Variants in MARF1 observed in about 807,000 individuals in gnomAD.
The protein encoded by MARF1 is meiosis regulator and mRNA stability factor 1.
MARF1 carries 24 observed loss-of-function variants against 168.2 expected under a neutral mutation model. That is an observed-to-expected ratio of 0.14 (90% CI 0.10 to 0.20). The LOEUF (loss-of-function observed/expected upper bound fraction) is 0.20. Among genes scored for constraint, MARF1 ranks in the 10% least tolerant of loss-of-function variants. The pLI is 1.00. For synonymous variants in MARF1, 868 were observed against 822.4 expected, an observed-to-expected ratio of 1.06 and a Z score of -0.95; for missense variants, 1,744 against 2,143.6, an observed-to-expected ratio of 0.81 and a Z score of 3.68.
Position 15,596,753 on chromosome 16 carries a change from T to C in MARF1, c.5169A>G (p.Gln1723=), listed in dbSNP as rs2031729264. The C allele has an allele frequency of 6.2e-7, 1 of 1,611,634 alleles. No homozygotes were observed. The highest frequency in any genetic ancestry group is 8.5e-7 in the Non-Finnish European group (1 of 1,178,094). The change falls in exon 27 of 27, where the codon CAA becomes CAG. Residue 1723 remains glutamine, a synonymous_variant. Transcript: ENST00000396368. ...CTGCCAATTTGACTCTATTTTTGGGTTGCTTTTTGGCCGGGCTTTCCACGG... is the reference window on the plus strand; with the variant it reads ...CTGCCAATTTGACTCTATTTTTGGGCTGCTTTTTGGCCGGGCTTTCCACGG... The part of the protein sequence containing the change: ...KDPVESPAKK[Q]PKNRVKLAAN...
Position 15,606,688 on chromosome 16 carries a change from T to C in MARF1, c.4182+1603A>G, listed in dbSNP as rs148527891. Among the ~76,000 whole-genome samples, 21 of 152,284 alleles carry C rather than the reference T, an allele frequency of 1.4e-4. No homozygotes were observed. In the East Asian group the frequency reaches 3.1e-3, roughly 22 times the overall value. ...CCCTGTATACTTCCTCCTTCCTCTG[T>C]GTGCTGTTTCCTAGTCTCCCACACC... On this transcript the variant is annotated intron_variant, in intron 21 of 26. Coordinates refer to ENST00000396368, the MANE Select transcript of MARF1 (RefSeq NM_014647.4).
chr16:15,630,266 T>G, intron 7 of MARF1, 66 bp downstream of exon 7: 1 of 1,468,246 alleles, frequency 6.8e-7, no homozygotes, highest in Non-Finnish European at 9.3e-7. Flanking sequence ...CCCCTTATTA[T>G]GGGCTGTCTT....
rs187639009 is a variant in MARF1, at chr16:15,625,089, C to T, written c.2038G>A (p.Gly680Ser). 1.2e-5 allele frequency: 19 copies of T among 1,614,170 alleles called. No individual in the cohort carries two copies. Among genetic ancestry groups the T allele is most frequent in the East Asian group, 6.7e-5 (3 of 44,880 alleles). ...GTCGACACTGCAGCACTTGAGTTAC[C>T]GTGAGTGGGTACGACCAGCCTCAGG... ...GHLRLVVPTH[G>S]NSSAAVSTPK... The change falls in exon 9 of 27, where the codon GGT becomes AGT. Residue 680 changes from glycine to serine, a missense_variant. Transcript: ENST00000396368.
chr16:15,629,426 G>C (rs186777182), intron 7 of MARF1, among the ~76,000 whole-genome samples: 12 of 152,244 alleles, frequency 7.9e-5, no homozygotes, highest in Non-Finnish European at 1.6e-4. Context: ...CCGGAATCAG[G>C]ATACCCGGGG....
At position 15,608,258 on chromosome 16, in the gene MARF1, G is replaced by A. The variant is rs755129094; in HGVS notation, c.4182+33C>T. The A allele has an allele frequency of 4.7e-6, 6 of 1,265,736 alleles. No individual in the cohort carries two copies. The South Asian group carries it at 7.9e-5, about 17-fold the overall frequency. The allele number at this position is 1,265,736 out of a possible 1,614,324, so 78.4% of individuals were successfully genotyped here. A position where few individuals can be genotyped will look rare whatever the true frequency, so the allele number is the denominator to read the frequency against. On this transcript the variant is annotated intron_variant, in intron 21 of 26. Coordinates refer to ENST00000396368, the MANE Select transcript of MARF1 (RefSeq NM_014647.4). ...GGTCACTGTGAGTTTTATCCCATGA[G>A]GGAAAAAAAAAAAAAAAAAAAAAAA... is the stretch of plus-strand genomic sequence containing the variant.
chr16:15,613,855 CAG>C (rs1398582224), intron 16 of MARF1, among the ~76,000 whole-genome samples: 1 of 152,064 alleles, frequency 6.6e-6, no homozygotes, highest in Non-Finnish European at 1.5e-5. Flanking sequence ...CAGGCTGACT[CAG>C]AAAGAATTCC....
chr16:15,635,060 G>C (rs1036109759), intron 3 of MARF1, 129 bp from the exon 4 acceptor site: 1 of 702,684 alleles, frequency 1.4e-6, no homozygotes, highest in African/African-American at 1.8e-5. Context: ...TAATAAAAAG[G>C]ACTTTCAAAT....
In MARF1 at chr16:15,630,352, TG is replaced by T; in HGVS notation, c.1503del (p.Arg502GlyfsTer4). 1.9e-6 allele frequency: 3 copies of T among 1,604,534 alleles called. No homozygotes were observed. Among genetic ancestry groups the T allele is most frequent in the Non-Finnish European group, 2.6e-6 (3 of 1,174,272 alleles). Reference protein sequence around the residue: ...RFEEFISDLPPRLPLKMPQCH... With the variant: ...RFEEFISDLPXRLPLKMPQCH... ...CTTACTGGCATTTTTAGTGGTAACC[TG>T]GGGGGCAAGTCGGAAATGAACTCTT... On this transcript the variant is annotated frameshift_variant, in exon 7 of 27. Transcript: ENST00000396368. LOFTEE classifies it high-confidence loss of function.
rs1302875948 is a variant in MARF1 at position 15,624,952 on chromosome 16, C to T, written c.2112-25G>A. 5 of 1,613,808 alleles carry T rather than the reference C, an allele frequency of 3.1e-6. No individual in the cohort carries two copies. In the African/African-American group the frequency reaches 6.7e-5, roughly 22 times the overall value. On this transcript the variant is annotated intron_variant, in intron 9 of 26. Coordinates refer to ENST00000396368, the MANE Select transcript of MARF1 (RefSeq NM_014647.4). ...TCTAACAGAAGGGGAAAATTGAAGG[C>T]AAAAGGTCATATGTCTTCCTTCACA... is the stretch of plus-strand genomic sequence containing the variant.
chr16:15,606,320 C>T (rs2033009724), intron 21 of MARF1, among the ~76,000 whole-genome samples: 1 of 152,136 alleles, frequency 6.6e-6, no homozygotes, highest in Non-Finnish European at 1.5e-5. Context: ...TTTCCTGACG[C>T]CCATCGGTAA....
Position 15,624,899 on chromosome 16 carries a change from T to C in MARF1, c.2140A>G (p.Thr714Ala). ...KKENLSARSV[T>A]SSPVEKKDKE... ...TCTTTTTTCTCTACAGGAGAACTGG[T>C]AACACTTCGGGCACTGAGGTTCTCC... Residue 714 changes from threonine to alanine, a missense_variant, in exon 10 of 27, where the codon ACC (threonine) becomes GCC (alanine). By Grantham distance (58) the Thr-to-Ala change is moderately conservative. Transcript: ENST00000396368. 1 of 1,614,202 alleles carries C rather than the reference T, an allele frequency of 6.2e-7. No homozygotes were observed. The highest frequency in any genetic ancestry group is 8.5e-7 in the Non-Finnish European group (1 of 1,180,050).
intron 16 of MARF1, among the ~76,000 whole-genome samples, chr16:15,614,560 C>T (rs2033886423): frequency 1.4e-5 from 2 of 145,060 alleles, no homozygotes; most frequent in South Asian, 2.2e-4. Flanking sequence ...CTGAGGCGGG[C>T]GGATCATGAG....
chr16:15,613,527 T>G (rs1392299983), intron 16 of MARF1, among the ~76,000 whole-genome samples: 1 of 151,702 alleles, frequency 6.6e-6, no homozygotes, highest in Admixed American at 6.6e-5. Context: ...CCGGGCGTGG[T>G]GGCAGGCACC....
chr16:15,611,509 T>C lies in MARF1; in HGVS notation c.3617+83A>G, dbSNP rs1332741180. The C allele has an allele frequency of 1.0e-5, 11 of 1,063,886 alleles. 1 individual carries two copies. The highest frequency in any genetic ancestry group is 1.4e-5 in the Non-Finnish European group (11 of 761,852). 65.9% of individuals were successfully genotyped at this position (1,063,886 alleles called of 1,614,324 possible). The stretch of plus-strand genomic sequence containing the variant: ...TTTCCAAAAGAATGCTTAATAGAAA[T>C]ACTAGATAACTATTTAGAGTTTGGC... On this transcript the variant is annotated intron_variant, in intron 18 of 26. Coordinates refer to ENST00000396368, the MANE Select transcript of MARF1 (RefSeq NM_014647.4).
chr16:15,598,704 T>G, intron 26 of MARF1, 150 bp downstream of exon 26: 1 of 790,754 alleles, frequency 1.3e-6, no homozygotes, highest in South Asian at 1.7e-5. Context: ...GGAACCCAGG[T>G]GGGGAAAGAA....
intron 22 of MARF1, 89 bp from the exon 23 acceptor site, chr16:15,602,292 C>G: frequency 1.9e-6 from 2 of 1,033,282 alleles, no homozygotes; most frequent in South Asian, 2.7e-5. Flanking sequence ...GGAAAAGGCC[C>G]AGAGTTGAAG....
chr16:15,627,242 C>T (rs1006527654), intron 7 of MARF1, among the ~76,000 whole-genome samples: 5 of 152,064 alleles, frequency 3.3e-5, no homozygotes, highest in East Asian at 3.9e-4. Context: ...AATCCCAGTA[C>T]TTAGGGATGC....
intron 2 of MARF1, among the ~76,000 whole-genome samples, chr16:15,638,166 A>G (rs1345890602): frequency 6.6e-6 from 1 of 152,260 alleles, no homozygotes; most frequent in Non-Finnish European, 1.5e-5. Context: ...CTCTGTCTCA[A>G]AAAATAAAAT....
rs766781663 is a variant in MARF1 at position 15,596,734 on chromosome 16, A to G, written c.5188T>C (p.Leu1730=). 11 of 1,608,046 alleles carry G rather than the reference A, an allele frequency of 6.8e-6. No homozygotes were observed. The African/African-American group carries it at 9.4e-5, about 14-fold the overall frequency. Residue 1730 remains leucine, a synonymous_variant, in exon 27 of 27, where the codon TTG becomes CTG. Transcript: ENST00000396368. ...AKKQPKNRVK[L]AANFSLAPIT... Reference sequence around the variant, plus strand: ...GGTGCTAAGGAAAAGTTGGCTGCCAATTTGACTCTATTTTTGGGTTGCTTT... The same window carrying G: ...GGTGCTAAGGAAAAGTTGGCTGCCAGTTTGACTCTATTTTTGGGTTGCTTT...
Sources: gnomAD v4.1 joint callset for allele counts (sites outside exome capture counted in the v4.1 genomes callset) on GRCh38, gnomAD v4.1.1 for gene constraint, MANE v1.5 for transcripts, NCBI Gene and HGNC (gene_info 2026-07-23, HGNC 2026-07-21) for gene names.